The following CSMD1 variants were observed in gnomAD, a reference collection of about 807,000 sequenced individuals.
CSMD1 encodes the protein CUB and sushi domain-containing protein 1.
In CSMD1, 213 loss-of-function variants were observed where a neutral mutation model predicts 417.5. The ratio of observed to expected loss-of-function variants is 0.51; its 90% CI spans 0.46 to 0.57. CSMD1 has a LOEUF of 0.57. Among genes scored for constraint, CSMD1 ranks in the 20% least tolerant of loss-of-function variants. CSMD1 has a pLI of 0.00. For synonymous variants in CSMD1, 2,862 were observed against 1,736.8 expected (o/e 1.65, Z -16.11); for missense variants, 6,923 against 4,529.7 (o/e 1.53, Z -15.17).
At chr8:4,889,297 C>T (rs986584471) in intron 1 of CSMD1, among the ~76,000 whole-genome samples, 4 of 152,036 alleles carry the variant, frequency 2.6e-5, no homozygotes, top group Admixed American at 1.3e-4. Flanking sequence ...CATGAGGAAA[C>T]ATTAGAGAAA....
intron 3 of CSMD1, among the ~76,000 whole-genome samples, chr8:4,288,640 C>T (rs887591155): frequency 3.3e-5 from 5 of 152,196 alleles, no homozygotes; most frequent in East Asian, 1.9e-4. Flanking sequence ...TTGCCACCAA[C>T]TCTGCCGCCC....
chr8:4,027,291 G>C (rs1797111997), intron 4 of CSMD1, among the ~76,000 whole-genome samples: 1 of 152,174 alleles, frequency 6.6e-6, no homozygotes, highest in South Asian at 2.1e-4. Context: ...TTAGGAGAGA[G>C]TGAGTCAGGA....
chr8:4,547,079 T>C (rs778854005), intron 2 of CSMD1, among the ~76,000 whole-genome samples: 2 of 152,188 alleles, frequency 1.3e-5, no homozygotes, highest in African/African-American at 4.8e-5. Flanking sequence ...TGTCTATTTG[T>C]ATATTTCATA....
intron 3 of CSMD1, among the ~76,000 whole-genome samples, chr8:4,207,626 A>T (rs1800058241): frequency 6.6e-6 from 1 of 152,154 alleles, no homozygotes; most frequent in Non-Finnish European, 1.5e-5. Flanking sequence ...CAACATTTTC[A>T]TTATGAAGAG....
intron 1 of CSMD1, among the ~76,000 whole-genome samples, chr8:4,924,089 T>C (rs1806690245): frequency 6.6e-6 from 1 of 152,222 alleles, no homozygotes; most frequent in Non-Finnish European, 1.5e-5. Context: ...GACAAGTTTC[T>C]GCCGTCATGA....
At chr8:3,341,425 T>C (rs1276529347) in intron 23 of CSMD1, among the ~76,000 whole-genome samples, 5 of 152,180 alleles carry the variant, frequency 3.3e-5, no homozygotes, top group Non-Finnish European at 7.3e-5. Flanking sequence ...ACCAAGTGTT[T>C]ACAAATGAGA....
At chr8:4,866,399 C>G (rs936789503) in intron 1 of CSMD1, among the ~76,000 whole-genome samples, 5 of 152,074 alleles carry the variant, frequency 3.3e-5, no homozygotes, top group Admixed American at 3.3e-4. Flanking sequence ...TGGTTAACAT[C>G]TCTCTAATTG....
chr8:3,887,882 T>A (rs2688382), intron 5 of CSMD1, among the ~76,000 whole-genome samples: 5,066 of 152,148 alleles, frequency 0.033, 291 homozygotes, highest in African/African-American at 0.12. Context: ...TTATGTAGAG[T>A]GAACAAAATA....
chr8:4,386,871 A>T (rs950641856), intron 3 of CSMD1, among the ~76,000 whole-genome samples: 1 of 152,246 alleles, frequency 6.6e-6, no homozygotes, highest in Non-Finnish European at 1.5e-5. Context: ...TCCCTCGTGG[A>T]TGACTGAAAA....
At chr8:3,773,223 C>G (rs1020241630) in intron 5 of CSMD1, among the ~76,000 whole-genome samples, 2 of 152,184 alleles carry the variant, frequency 1.3e-5, no homozygotes, top group Non-Finnish European at 2.9e-5. Context: ...CATAATCTGT[C>G]ACCAAAGTGT....
chr8:3,616,579 C>A, intron 8 of CSMD1, 131 bp downstream of exon 8: 1 of 642,356 alleles, frequency 1.6e-6, no homozygotes. Flanking sequence ...TGATTACACA[C>A]ATTTAGAGTT....
chr8:3,721,583 T>C (rs900270125), intron 6 of CSMD1, among the ~76,000 whole-genome samples: 1 of 152,232 alleles, frequency 6.6e-6, no homozygotes, highest in Non-Finnish European at 1.5e-5. Context: ...TATTTCAGGT[T>C]CAAACTTATT....
chr8:3,330,366 C>A (rs915595217), intron 23 of CSMD1, among the ~76,000 whole-genome samples: 1 of 152,112 alleles, frequency 6.6e-6, no homozygotes, highest in African/African-American at 2.4e-5. Flanking sequence ...CAGCGAGAGA[C>A]TGGATAAAGA....
At chr8:4,869,240 G>T (rs1038402065) in intron 1 of CSMD1, among the ~76,000 whole-genome samples, 4 of 151,958 alleles carry the variant, frequency 2.6e-5, no homozygotes, top group African/African-American at 9.7e-5. Flanking sequence ...GCATCTGTGT[G>T]GCTATGAACG....
chr8:3,492,643 C>T (rs1010471379), intron 11 of CSMD1, among the ~76,000 whole-genome samples: 1 of 152,180 alleles, frequency 6.6e-6, no homozygotes, highest in African/African-American at 2.4e-5. Context: ...CAAAAACTGT[C>T]TTTGAGGCCC....
At chr8:3,021,435 G>C (rs1809378253) in intron 51 of CSMD1, among the ~76,000 whole-genome samples, 1 of 152,162 alleles carries the variant, frequency 6.6e-6, no homozygotes, top group Admixed American at 6.5e-5. Flanking sequence ...CTAAAAATAG[G>C]CTTTGTCATA....
At chr8:3,974,142 G>A (rs769096326) in intron 5 of CSMD1, among the ~76,000 whole-genome samples, 2 of 152,022 alleles carry the variant, frequency 1.3e-5, no homozygotes, top group African/African-American at 4.8e-5. Flanking sequence ...TTGTGTGTGT[G>A]TGTCTACATG....
chr8:4,477,111 C>T (rs1283327670), intron 2 of CSMD1, among the ~76,000 whole-genome samples: 4 of 152,212 alleles, frequency 2.6e-5, no homozygotes, highest in East Asian at 1.9e-4. Context: ...TTCCCACCAC[C>T]TGTCTCTTAA....
chr8:3,803,295 G>A (rs532181114), intron 5 of CSMD1, among the ~76,000 whole-genome samples: 17 of 152,182 alleles, frequency 1.1e-4, no homozygotes, highest in Non-Finnish European at 2.2e-4. Flanking sequence ...TGACGGTTTA[G>A]CAGCAGCTGG....
Sources: gnomAD v4.1 joint callset for allele counts (sites outside exome capture counted in the v4.1 genomes callset) on GRCh38, gnomAD v4.1.1 for gene constraint, MANE v1.5 for transcripts, NCBI Gene and HGNC (gene_info 2026-07-23, HGNC 2026-07-21) for gene names.